EEFSEC: variants seen among roughly 807,000 people sequenced by gnomAD.
EEFSEC encodes eukaryotic elongation factor, selenocysteine-tRNA specific.
Under a neutral mutation model 42.1 loss-of-function variants are expected in EEFSEC, and 43 were observed. The ratio of observed to expected loss-of-function variants is 1.02; its 90% CI spans 0.80 to 1.32. The LOEUF (loss-of-function observed/expected upper bound fraction) is 1.32. Ranked by LOEUF, EEFSEC falls within the 40% of genes most tolerant of loss-of-function variation. EEFSEC has a pLI of 0.00. For synonymous variants in EEFSEC, 354 were observed against 339.1 expected (o/e 1.04, Z -0.48); for missense variants, 745 against 803.6 (o/e 0.93, Z 0.88).
intron 5 of EEFSEC, among the ~76,000 whole-genome samples, chr3:128,345,426 G>C (rs1243599522): frequency 6.6e-6 from 1 of 152,160 alleles, no homozygotes; most frequent in Admixed American, 6.5e-5. Context: ...CATGGGTGTG[G>C]TTATCCAGCG....
At chr3:128,334,368 C>T (rs2067167190) in intron 4 of EEFSEC, among the ~76,000 whole-genome samples, 1 of 152,214 alleles carries the variant, frequency 6.6e-6, no homozygotes, top group South Asian at 2.1e-4. Context: ...ACTCAGGAGC[C>T]ACAGCTGCCT....
chr3:128,306,385 A>G (rs559926966), intron 4 of EEFSEC, among the ~76,000 whole-genome samples: 1 of 152,184 alleles, frequency 6.6e-6, no homozygotes, highest in Non-Finnish European at 1.5e-5. Flanking sequence ...AATATTTACT[A>G]TTCATATCCT....
At chr3:128,293,505 C>T (rs1447973756) in intron 4 of EEFSEC, among the ~76,000 whole-genome samples, 1 of 151,536 alleles carries the variant, frequency 6.6e-6, no homozygotes, top group Non-Finnish European at 1.5e-5. Context: ...ACTAAAAATA[C>T]AAAAAATTAG....
intron 4 of EEFSEC, among the ~76,000 whole-genome samples, chr3:128,272,261 C>T (rs2066421708): frequency 6.6e-6 from 1 of 152,238 alleles, no homozygotes; most frequent in Non-Finnish European, 1.5e-5. Flanking sequence ...AAGGATCCGT[C>T]CTGACAGTGG....
intron 6 of EEFSEC, among the ~76,000 whole-genome samples, chr3:128,394,761 C>A (rs2067961508): frequency 6.6e-6 from 1 of 152,148 alleles, no homozygotes; most frequent in African/African-American, 2.4e-5. Flanking sequence ...AGGAGGGGCC[C>A]ATCCTTGCCT....
At chr3:128,397,674 G>A (rs1237216565) in intron 6 of EEFSEC, among the ~76,000 whole-genome samples, 1 of 152,262 alleles carries the variant, frequency 6.6e-6, no homozygotes, top group Non-Finnish European at 1.5e-5. Context: ...AGATGCACAG[G>A]CTCACCTTCC....
In EEFSEC at chr3:128,387,551, G is replaced by A. The variant is rs578035473; in HGVS notation, c.1601-20518G>A. 4.6e-5 allele frequency among the ~76,000 whole-genome samples: 7 copies of A among 152,232 alleles called. No individual in the cohort carries two copies. The East Asian group carries it at 1.4e-3, about 30-fold the overall frequency. The stretch of plus-strand genomic sequence containing the variant: ...TGAGGGTGCGAGAAATCTACCCCAG[G>A]GAGAACAGATACCAGCCTGAATTAA... On this transcript the variant is annotated intron_variant, in intron 6 of 6. Coordinates refer to ENST00000254730, the MANE Select transcript of EEFSEC (RefSeq NM_021937.5).
Position 128,348,297 on chromosome 3 carries a change from T to C in EEFSEC, c.1443+6408T>C, listed in dbSNP as rs1258970744. The stretch of plus-strand genomic sequence containing the variant: ...GTGTGCGTGTGTGTGTGTGTGCGTG[T>C]GTGTGTGTGTGTTCATTCTTTCACA... On this transcript the variant is annotated intron_variant, in intron 5 of 6. Transcript: ENST00000254730. 1.7e-3 allele frequency among the ~76,000 whole-genome samples: 259 copies of C among 152,000 alleles called. 4 individuals are homozygous for C. The highest frequency in any genetic ancestry group is 0.01 in the Middle Eastern group (3 of 294).
At chr3:128,162,467 C>T (rs2065200336) in intron 1 of EEFSEC, among the ~76,000 whole-genome samples, 1 of 152,222 alleles carries the variant, frequency 6.6e-6, no homozygotes, top group Non-Finnish European at 1.5e-5. Context: ...TCTCCCCATA[C>T]ACTGGAGTGC....
intron 6 of EEFSEC, among the ~76,000 whole-genome samples, chr3:128,385,155 G>GTGTA (rs2067823808): frequency 6.6e-6 from 1 of 152,204 alleles, no homozygotes; most frequent in South Asian, 2.1e-4. Context: ...CCACCCCAAG[G>GTGTA]TGTAGCATGC....
At chr3:128,218,651 G>A (rs2065834017) in intron 1 of EEFSEC, among the ~76,000 whole-genome samples, 2 of 152,288 alleles carry the variant, frequency 1.3e-5, no homozygotes, top group South Asian at 4.1e-4. Flanking sequence ...CATTGTTTCG[G>A]CACTTAAGTG....
intron 1 of EEFSEC, among the ~76,000 whole-genome samples, chr3:128,159,916 T>C (rs561262538): frequency 1.3e-5 from 2 of 152,372 alleles, no homozygotes; most frequent in South Asian, 4.1e-4. Context: ...TGTTTACTTG[T>C]TGAGTATCTG....
intron 1 of EEFSEC, among the ~76,000 whole-genome samples, chr3:128,201,915 C>T (rs2065647645): frequency 6.6e-6 from 1 of 152,032 alleles, no homozygotes; most frequent in African/African-American, 2.4e-5. Context: ...GATTTTTTTC[C>T]GTATGGCTAT....
chr3:128,190,142 CATGAG>C (rs2065508219), intron 1 of EEFSEC, among the ~76,000 whole-genome samples: 1 of 152,038 alleles, frequency 6.6e-6, no homozygotes, highest in African/African-American at 2.4e-5. Flanking sequence ...GGATTACAGG[CATGAG>C]CCACCATGCC....
At chr3:128,188,640 A>C (rs1195834085) in intron 1 of EEFSEC, among the ~76,000 whole-genome samples, 2 of 152,240 alleles carry the variant, frequency 1.3e-5, no homozygotes, top group African/African-American at 4.8e-5. Context: ...ATTGTTCCAC[A>C]GTATCGCATC....
chr3:128,258,123 A>G (rs1231327421), intron 2 of EEFSEC, among the ~76,000 whole-genome samples: 3 of 152,228 alleles, frequency 2.0e-5, no homozygotes, highest in Non-Finnish European at 4.4e-5. Context: ...GATGTGGGAC[A>G]ATTGGTCTAT....
chr3:128,377,392 C>G (rs920237749), intron 6 of EEFSEC, among the ~76,000 whole-genome samples: 2 of 152,212 alleles, frequency 1.3e-5, no homozygotes, highest in African/African-American at 4.8e-5. Context: ...GGTCTACAAC[C>G]TAGATAACCA....
chr3:128,325,513 C>T (rs60042089), intron 4 of EEFSEC, among the ~76,000 whole-genome samples: 2,272 of 152,248 alleles, frequency 0.015, 58 homozygotes, highest in African/African-American at 0.05. Flanking sequence ...GCAGGCTCTC[C>T]GGGAAGATGT....
intron 1 of EEFSEC, among the ~76,000 whole-genome samples, chr3:128,168,601 GT>G (rs1465304966): frequency 6.6e-6 from 1 of 152,222 alleles, no homozygotes; most frequent in Non-Finnish European, 1.5e-5. Context: ...CAGCTAGCCA[GT>G]TTCACCCTTT....
Sources: gnomAD v4.1 joint callset for allele counts (sites outside exome capture counted in the v4.1 genomes callset) on GRCh38, gnomAD v4.1.1 for gene constraint, MANE v1.5 for transcripts, NCBI Gene and HGNC (gene_info 2026-07-23, HGNC 2026-07-21) for gene names.